Variants in DENND2B observed in about 807,000 individuals in gnomAD.
DENND2B encodes DENN domain-containing protein 2B.
In DENND2B, 32 loss-of-function variants were observed where a neutral mutation model predicts 116.0. That is an observed-to-expected ratio of 0.28 (90% CI 0.21 to 0.37). The LOEUF is 0.37. DENND2B is among the 10% of genes least tolerant of loss of function. The probability of loss-of-function intolerance (pLI) is 1.00; values close to 1 mark genes in which losing one functional copy is unlikely to be tolerated. For missense variants in DENND2B, 1,276 were observed against 1,477.7 expected (o/e 0.86, Z 2.24); for synonymous variants, 588 against 583.9 (o/e 1.01, Z -0.10).
chr11:8,910,087 G>A (rs1325018512), intron 1 of DENND2B, among the ~76,000 whole-genome samples: 1 of 151,834 alleles, frequency 6.6e-6, no homozygotes, highest in Non-Finnish European at 1.5e-5. Flanking sequence ...CTAAAAGATG[G>A]AGTCAGACCC....
intron 2 of DENND2B, among the ~76,000 whole-genome samples, chr11:8,738,427 A>G (rs2049512255): frequency 6.6e-6 from 1 of 152,164 alleles, no homozygotes; most frequent in African/African-American, 2.4e-5. Context: ...TTCTCTAGCT[A>G]CACTTAACGC....
At chr11:8,699,631 G>T (rs144423275) in intron 14 of DENND2B, among the ~76,000 whole-genome samples, 2 of 152,152 alleles carry the variant, frequency 1.3e-5, no homozygotes, top group Non-Finnish European at 2.9e-5. Flanking sequence ...GCAGCAACCC[G>T]CAGGACAGTC....
intron 1 of DENND2B, among the ~76,000 whole-genome samples, chr11:8,884,624 G>C (rs1050541017): frequency 6.6e-6 from 1 of 152,230 alleles, no homozygotes; most frequent in African/African-American, 2.4e-5. Flanking sequence ...CAGCCTAGGA[G>C]TTAATATGGT....
chr11:8,816,792 G>A lies in DENND2B; in HGVS notation c.-114-5457C>T, dbSNP rs989203782. 3.5e-5 allele frequency among the ~76,000 whole-genome samples: 3 copies of A among 85,316 alleles called. No individual in the cohort carries two copies. In the Admixed American group the frequency reaches 5.0e-4, roughly 14 times the overall value. The allele number at this position is 85,316 out of a possible 152,430, so 56.0% of individuals were successfully genotyped here. On this transcript the variant is annotated intron_variant, in intron 4 of 6. Coordinates refer to the DENND2B transcript ENST00000524757. ...ATGGTAAAATCCTAGGCAAGTCCCT[G>A]TCTCCCTTAGGGGCCTTTGCTTTTT...
At chr11:8,701,485 G>A (rs376655160) in intron 14 of DENND2B, among the ~76,000 whole-genome samples, 58 of 151,872 alleles carry the variant, frequency 3.8e-4, no homozygotes, top group African/African-American at 9.4e-4. Flanking sequence ...TCCCTCTCTC[G>A]GCTTTGGAGC....
rs1328185599 is a variant in DENND2B, at chr11:8,771,502, A to C, written c.-25-20777T>G. On this transcript the variant is annotated intron_variant, in intron 1 of 19. Transcript: ENST00000313726. ...TATAGATATCTCTCTACATATAATA[A>C]GGAATATATATATGTGTATATATAT... Among the ~76,000 whole-genome samples the C allele has an allele frequency of 2.0e-5, 3 of 147,522 alleles. No individual in the cohort carries two copies. The Admixed American group carries it at 2.1e-4, about 11-fold the overall frequency.
At chr11:8,865,189 T>C (rs1013069139) in intron 2 of DENND2B, among the ~76,000 whole-genome samples, 1 of 152,230 alleles carries the variant, frequency 6.6e-6, no homozygotes, top group African/African-American at 2.4e-5. Context: ...TAGGCCTTAA[T>C]TGGGCTAATC....
intron 1 of DENND2B, among the ~76,000 whole-genome samples, chr11:8,908,816 T>A (rs2064271645): frequency 6.6e-6 from 1 of 152,222 alleles, no homozygotes; most frequent in Non-Finnish European, 1.5e-5. Flanking sequence ...TCCTCTTTTT[T>A]ATTCTCCTTT....
intron 2 of DENND2B, among the ~76,000 whole-genome samples, chr11:8,878,191 G>A (rs1404250304): frequency 3.3e-5 from 5 of 152,188 alleles, no homozygotes; most frequent in Non-Finnish European, 1.5e-5. Context: ...AGTTAAAAAG[G>A]TAAATTAAGT....
intron 4 of DENND2B, 118 bp downstream of exon 4, chr11:8,725,955 C>G: frequency 6.8e-7 from 1 of 1,464,390 alleles, no homozygotes; most frequent in Non-Finnish European, 9.4e-7. Context: ...AGGAGGAGTT[C>G]CAGAAGGTGG....
intron 1 of DENND2B, among the ~76,000 whole-genome samples, chr11:8,883,063 G>A (rs1285404066): frequency 6.6e-6 from 1 of 152,130 alleles, no homozygotes; most frequent in Non-Finnish European, 1.5e-5. Context: ...ATTCTTCATA[G>A]TAACTTGCAC....
At chr11:8,774,485 G>T (rs1169154912) in intron 1 of DENND2B, among the ~76,000 whole-genome samples, 1 of 152,170 alleles carries the variant, frequency 6.6e-6, no homozygotes, top group Admixed American at 6.5e-5. Flanking sequence ...GAAGCTGACA[G>T]AGTTGCGCTT....
rs200835468 is a variant in DENND2B, at chr11:8,716,827, T to G, written c.1629+914A>C. ...CATGCCCAGCTAATGTTTGTATTTTTAGTAGAGATGAGGTTTCACTGGCCA... is the reference window on the plus strand; with the variant it reads ...CATGCCCAGCTAATGTTTGTATTTTGAGTAGAGATGAGGTTTCACTGGCCA... On this transcript the variant is annotated intron_variant, in intron 5 of 19. Transcript: ENST00000313726. Among the ~76,000 whole-genome samples, 3 of 152,152 alleles carry G rather than the reference T, an allele frequency of 2.0e-5. No homozygotes were observed. The East Asian group carries it at 5.8e-4, about 29-fold the overall frequency.
chr11:8,868,347 C>T (rs898753097), intron 2 of DENND2B, among the ~76,000 whole-genome samples: 1 of 152,218 alleles, frequency 6.6e-6, no homozygotes, highest in African/African-American at 2.4e-5. Flanking sequence ...CTTCTAAAAT[C>T]ACTGCTTTAC....
intron 2 of DENND2B, 104 bp downstream of exon 2, chr11:8,750,517 C>T: frequency 1.0e-6 from 1 of 991,782 alleles, no homozygotes; most frequent in Non-Finnish European, 1.6e-6. Context: ...GACCAGTCAC[C>T]TGGATGACTG....
intron 1 of DENND2B, among the ~76,000 whole-genome samples, chr11:8,752,049 C>T (rs980474823): frequency 6.6e-6 from 1 of 152,182 alleles, no homozygotes; most frequent in Non-Finnish European, 1.5e-5. Flanking sequence ...CAGCTTACAT[C>T]CCAGTGGGGA....
At chr11:8,719,833 C>T (rs1010467673) in intron 4 of DENND2B, among the ~76,000 whole-genome samples, 2 of 152,172 alleles carry the variant, frequency 1.3e-5, no homozygotes, top group African/African-American at 2.4e-5. Flanking sequence ...CTCAACAAAT[C>T]GAAACTGCCT....
At chr11:8,830,303 A>G (rs141716014) in intron 4 of DENND2B, among the ~76,000 whole-genome samples, 3 of 152,206 alleles carry the variant, frequency 2.0e-5, no homozygotes, top group African/African-American at 2.4e-5. Context: ...AGTTGACCCA[A>G]CTTTAAAGAC....
chr11:8,784,568 T>G (rs1247691298), intron 1 of DENND2B: 1 of 152,258 alleles, frequency 6.6e-6, no homozygotes. Flanking sequence ...GTAGGTGCAG[T>G]GGCTCATGCC....
Sources: gnomAD v4.1 joint callset for allele counts (sites outside exome capture counted in the v4.1 genomes callset) on GRCh38, gnomAD v4.1.1 for gene constraint, MANE v1.5 for transcripts, NCBI Gene and HGNC (gene_info 2026-07-23, HGNC 2026-07-21) for gene names.